The following UPK3A variants were observed in gnomAD, a reference collection of about 807,000 sequenced individuals.
UPK3A encodes uroplakin 3A.
A neutral mutation model predicts 27.6 loss-of-function variants in UPK3A; 32 were observed. That is an observed-to-expected ratio of 1.16 (90% CI 0.87 to 1.55). UPK3A has a LOEUF of 1.55. Among genes scored for constraint, UPK3A ranks in the 40% most tolerant of loss-of-function variants. The probability of loss-of-function intolerance (pLI) is 0.00; values close to 1 mark genes in which losing one functional copy is unlikely to be tolerated. For missense variants in UPK3A, 370 were observed against 367.9 expected, an observed-to-expected ratio of 1.01 and a Z score of -0.05; for synonymous variants, 171 against 163.9, an observed-to-expected ratio of 1.04 and a Z score of -0.33.
Position 45,295,845 on chromosome 22 carries a change from A to G in UPK3A, c.*126A>G, listed in dbSNP as rs1257799894. The G allele has an allele frequency of 8.9e-7, 1 of 1,127,858 alleles. No individual in the cohort carries two copies. Among genetic ancestry groups the G allele is most frequent in the South Asian group, 1.3e-5 (1 of 76,050 alleles). The allele number at this position is 1,127,858 out of a possible 1,614,324, so 69.9% of individuals were successfully genotyped here. ...GGCTTGTCCCTCCAACTGCAGGAAA[A>G]CCCTTAATAAAATCTTCTGATGAGT... On this transcript the variant is annotated 3_prime_UTR_variant, in exon 6 of 6. Transcript: ENST00000216211.
At chr22:45,294,320 C>T (rs1011584210) in intron 5 of UPK3A, among the ~76,000 whole-genome samples, 1 of 151,906 alleles carries the variant, frequency 6.6e-6, no homozygotes, top group Non-Finnish European at 1.5e-5. Context: ...GGGTGGAGAT[C>T]GAGTGAGGAA....
intron 2 of UPK3A, among the ~76,000 whole-genome samples, chr22:45,286,342 C>G (rs989157254): frequency 6.6e-6 from 1 of 152,206 alleles, no homozygotes; most frequent in Non-Finnish European, 1.5e-5. Flanking sequence ...GTATCTACAA[C>G]CAGCTTGTAA....
At chr22:45,288,948 A>C in intron 3 of UPK3A, 113 bp from the exon 4 acceptor site, 1 of 950,962 alleles carries the variant, frequency 1.1e-6, no homozygotes, top group Non-Finnish European at 1.7e-6. Context: ...GTCTCCTGGA[A>C]GGGCCCCCGC....
chr22:45,291,391 GGT>G (rs2084159563), intron 4 of UPK3A, among the ~76,000 whole-genome samples: 1 of 107,910 alleles, frequency 9.3e-6, no homozygotes. Context: ...ATGTGTGTGT[GGT>G]GTGTGGGTGG....
Position 45,289,108 on chromosome 22 carries a change from A to T in UPK3A, c.536A>T (p.Gln179Leu), listed in dbSNP as rs2084140669. 3.7e-6 allele frequency: 6 copies of T among 1,613,940 alleles called. No individual in the cohort carries two copies. Among genetic ancestry groups the T allele is most frequent in the African/African-American group, 1.3e-5 (1 of 74,934 alleles). The change falls in exon 4 of 6, where the codon CAG becomes CTG. Residue 179 changes from glutamine to leucine, a missense_variant. Physicochemically the swap from Gln to Leu is moderately radical, Grantham distance 113. Transcript: ENST00000216211. ...ATGTCCACGGGCTTGGTAGAGGACCAGACCCTGTGGTCAGACCCCATCCGC... is the reference window on the plus strand; with the variant it reads ...ATGTCCACGGGCTTGGTAGAGGACCTGACCCTGTGGTCAGACCCCATCCGC... ...VNMSTGLVEDQTLWSDPIRTN... is the reference protein window; with the variant it reads ...VNMSTGLVEDLTLWSDPIRTN...
At chr22:45,294,160 G>A (rs758332871) in intron 5 of UPK3A, among the ~76,000 whole-genome samples, 2 of 152,150 alleles carry the variant, frequency 1.3e-5, no homozygotes, top group African/African-American at 2.4e-5. Flanking sequence ...TCCTCAGTGA[G>A]AGGCAGGGAG....
At chr22:45,285,494 G>A (rs1255675600) in intron 1 of UPK3A, among the ~76,000 whole-genome samples, 2 of 152,172 alleles carry the variant, frequency 1.3e-5, no homozygotes, top group South Asian at 4.1e-4. Context: ...GGTGAGGCTG[G>A]AGACCGAACA....
intron 5 of UPK3A, among the ~76,000 whole-genome samples, chr22:45,294,682 T>A (rs1437648679): frequency 6.6e-6 from 1 of 152,136 alleles, no homozygotes; most frequent in Non-Finnish European, 1.5e-5. Flanking sequence ...TGCCCTAATC[T>A]GGCACTGAAG....
intron 1 of UPK3A, among the ~76,000 whole-genome samples, chr22:45,285,645 G>C (rs1475315334): frequency 1.1e-5 from 1 of 88,830 alleles, no homozygotes; most frequent in Non-Finnish European, 3.1e-5. Flanking sequence ...CCCAGGTGAG[G>C]AAGGTGGGAC....
At chr22:45,286,134 G>T (rs778301420) in intron 2 of UPK3A, 38 bp downstream of exon 2, 8 of 1,612,872 alleles carry the variant, frequency 5.0e-6, no homozygotes, top group Admixed American at 3.3e-5. Flanking sequence ...TCCAAAAGGG[G>T]CTCTGACCTG....
rs1412949629 is a variant in UPK3A, at chr22:45,287,289, C to T, written c.326C>T (p.Pro109Leu). ...AAAGCTGTGGCCTTTGACCTGATCC[C>T]CTGCAGTGACCTGCCCAGCCTGGAT... ...PYKAVAFDLI[P>L]CSDLPSLDAI... The change falls in exon 3 of 6, where the codon CCC (proline) becomes CTC (leucine). Residue 109 changes from proline to leucine, a missense_variant. By Grantham distance (98) the Pro-to-Leu change is moderately conservative. Transcript: ENST00000216211. The T allele has an allele frequency of 6.2e-7, 1 of 1,614,182 alleles. No individual in the cohort carries two copies. The highest frequency in any genetic ancestry group is 1.1e-5 in the South Asian group (1 of 91,090).
rs2142551 is a variant in UPK3A, at chr22:45,286,394, G to C, written c.208+298G>C. Among the ~76,000 whole-genome samples the C allele has an allele frequency of 0.76, 115,101 of 152,050 alleles. 43,616 individuals are homozygous for C. The highest frequency in any genetic ancestry group is 0.8 in the Admixed American group (12,177 of 15,274). ...CCCCATTACAGAGCAGGGAAGCAAG[G>C]CTCAGAGAGGTGGAATAACCCCCCC... On this transcript the variant is annotated intron_variant, in intron 2 of 5. Coordinates refer to ENST00000216211, the MANE Select transcript of UPK3A (RefSeq NM_006953.4).
intron 4 of UPK3A, among the ~76,000 whole-genome samples, chr22:45,291,501 T>C (rs557367968): frequency 8.3e-5 from 12 of 144,928 alleles, no homozygotes; most frequent in African/African-American, 3.1e-4. Context: ...GGTGTGTGAG[T>C]GTGAGAGTGT....
intron 2 of UPK3A, among the ~76,000 whole-genome samples, chr22:45,286,615 C>G (rs2147792853): frequency 6.6e-6 from 1 of 152,346 alleles, no homozygotes; most frequent in East Asian, 1.9e-4. Context: ...AACATCAACT[C>G]TTGCATTTCT....
At chr22:45,287,649 A>G (rs1429004600) in intron 3 of UPK3A, among the ~76,000 whole-genome samples, 198 bp downstream of exon 3, 1 of 152,086 alleles carries the variant, frequency 6.6e-6, no homozygotes, top group Non-Finnish European at 1.5e-5. Context: ...TACCGTCTTG[A>G]AATTCTGTAT....
chr22:45,289,703 G>A (rs1243936156), intron 4 of UPK3A, among the ~76,000 whole-genome samples: 10 of 150,652 alleles, frequency 6.6e-5, no homozygotes, highest in East Asian at 3.9e-4. Context: ...GCAGTGAGCC[G>A]AGATCACGCC....
At chr22:45,293,086 C>T (rs566149115) in intron 4 of UPK3A, 95 bp from the exon 5 acceptor site, 107 of 1,568,914 alleles carry the variant, frequency 6.8e-5, no homozygotes, top group Non-Finnish European at 8.6e-5. Flanking sequence ...CCTGGATCCC[C>T]GGCAGCCAGG....
chr22:45,288,720 A>G (rs1282787963), intron 3 of UPK3A, among the ~76,000 whole-genome samples: 2 of 152,242 alleles, frequency 1.3e-5, no homozygotes, highest in Non-Finnish European at 2.9e-5. Flanking sequence ...AGACAGATGC[A>G]TTAGTGCTCA....
rs779603634 is a variant in UPK3A at position 45,287,404 on chromosome 22, C to G, written c.441C>G (p.Asn147Lys). ...GANGTCLWDP[N>K]FQGLCNAPLS... ...ACGGGACCTGCCTGTGGGATCCCAA[C>G]TTCCAGGGCCTCTGTAACGCACCCC... Residue 147 changes from asparagine to lysine, a missense_variant, in exon 3 of 6, where the codon AAC becomes AAG. Asn to Lys is a moderately conservative substitution (Grantham distance 94). Transcript: ENST00000216211. 6.2e-7 allele frequency: 1 copy of G among 1,611,236 alleles called. No individual in the cohort carries two copies. Among genetic ancestry groups the G allele is most frequent in the East Asian group, 2.2e-5 (1 of 44,816 alleles).
Sources: gnomAD v4.1 joint callset for allele counts (sites outside exome capture counted in the v4.1 genomes callset) on GRCh38, gnomAD v4.1.1 for gene constraint, MANE v1.5 for transcripts, NCBI Gene and HGNC (gene_info 2026-07-23, HGNC 2026-07-21) for gene names.